The following PRKN variants were observed in gnomAD, a reference collection of about 807,000 sequenced individuals.
PRKN encodes the protein parkin RBR E3 ubiquitin protein ligase.
Under a neutral mutation model 59.5 loss-of-function variants are expected in PRKN, and 56 were observed. That is an observed-to-expected ratio of 0.94 (90% CI 0.76 to 1.18). The LOEUF (loss-of-function observed/expected upper bound fraction) is 1.18, where lower values mean the gene tolerates loss of function less well. Ranked by LOEUF, PRKN falls within the 50% of genes most tolerant of loss-of-function variation. The pLI is 0.00. For synonymous variants in PRKN, 250 were observed against 222.1 expected (o/e 1.13, Z -1.12); for missense variants, 657 against 596.4 (o/e 1.10, Z -1.06).
chr6:161,845,018 G>A (rs1450740920), intron 6 of PRKN, among the ~76,000 whole-genome samples: 6 of 152,220 alleles, frequency 3.9e-5, no homozygotes, highest in Non-Finnish European at 8.8e-5. Flanking sequence ...TTATGTAAAT[G>A]AGCGGGACAG....
intron 5 of PRKN, among the ~76,000 whole-genome samples, chr6:162,023,431 A>G (rs1052623107): frequency 6.6e-6 from 1 of 152,072 alleles, no homozygotes; most frequent in Non-Finnish European, 1.5e-5. Context: ...AGCAAGAAGG[A>G]AGACGGTTTT....
intron 5 of PRKN, among the ~76,000 whole-genome samples, chr6:161,975,104 T>C (rs1583427842): frequency 7.1e-6 from 1 of 141,650 alleles, no homozygotes; most frequent in East Asian, 1.9e-4. Context: ...TTTTTTTTTT[T>C]TTTGAGACGG....
At chr6:161,398,828 T>A (rs964446768) in intron 9 of PRKN, among the ~76,000 whole-genome samples, 34 of 152,020 alleles carry the variant, frequency 2.2e-4, no homozygotes, top group African/African-American at 8.2e-4. Context: ...GAGGTGCAGG[T>A]TGTAGTGAGG....
chr6:161,399,697 C>G lies in PRKN; in HGVS notation c.1084-12820G>C, dbSNP rs1057234176. Among the ~76,000 whole-genome samples the G allele has an allele frequency of 6.6e-6, 1 of 152,074 alleles. No homozygotes were observed. Among genetic ancestry groups the G allele is most frequent in the Non-Finnish European group, 1.5e-5 (1 of 68,032 alleles). On this transcript the variant is annotated intron_variant, in intron 9 of 11. Transcript: ENST00000366898. This position sits in a 1 kb window ranked among gnomAD's most constrained non-coding sequence, Gnocchi z 4.4. ...GGAAATGATAGCCCCCAGAAAGTAC[C>G]AATCCCAGTGCTAGGGATGATGCCA...
chr6:162,619,328 A>G (rs182927006), intron 1 of PRKN, among the ~76,000 whole-genome samples: 3 of 123,560 alleles, frequency 2.4e-5, no homozygotes, highest in East Asian at 4.4e-4. Flanking sequence ...TTTTTTTTTT[A>G]GTAGAGATGG....
chr6:161,781,022 A>T (rs765393354), intron 7 of PRKN, among the ~76,000 whole-genome samples: 1 of 152,234 alleles, frequency 6.6e-6, no homozygotes, highest in Non-Finnish European at 1.5e-5. Flanking sequence ...ACGGAGATAC[A>T]TACTAAAACA....
intron 5 of PRKN, among the ~76,000 whole-genome samples, chr6:162,017,301 A>C (rs1465544618): frequency 6.6e-6 from 1 of 152,134 alleles, no homozygotes; most frequent in Non-Finnish European, 1.5e-5. Context: ...AATGTTTGCT[A>C]ATCTAGGCCT....
chr6:161,958,113 C>T (rs146020893), intron 6 of PRKN, among the ~76,000 whole-genome samples: 663 of 152,222 alleles, frequency 4.4e-3, no homozygotes, highest in African/African-American at 0.013. Flanking sequence ...TTGCATTAAG[C>T]TTAGGATGCT....
intron 6 of PRKN, among the ~76,000 whole-genome samples, chr6:161,851,591 C>T (rs551062471): frequency 1.3e-5 from 2 of 151,752 alleles, no homozygotes; most frequent in East Asian, 2.0e-4. Flanking sequence ...AAGTGATTCT[C>T]GTACGTGCCT....
chr6:161,871,952 TC>T (rs1324248109), intron 6 of PRKN, among the ~76,000 whole-genome samples: 5 of 152,150 alleles, frequency 3.3e-5, no homozygotes, highest in Non-Finnish European at 7.3e-5. Flanking sequence ...TTAATAATCC[TC>T]TCATTTAATT....
intron 5 of PRKN, among the ~76,000 whole-genome samples, chr6:162,010,592 A>T (rs190338217): frequency 0.1 from 294 of 2,808 alleles, 54 homozygotes; most frequent in African/African-American, 0.19. Flanking sequence ...TATTATATAT[A>T]ATATAATATA....
At chr6:161,568,154 T>C (rs1332929298) in intron 8 of PRKN, among the ~76,000 whole-genome samples, 1 of 152,240 alleles carries the variant, frequency 6.6e-6, no homozygotes, top group Non-Finnish European at 1.5e-5. Context: ...TATTCTCATA[T>C]TGGAAATGGG....
At chr6:161,832,084 G>A (rs1042904007) in intron 6 of PRKN, among the ~76,000 whole-genome samples, 3 of 152,142 alleles carry the variant, frequency 2.0e-5, no homozygotes, top group Non-Finnish European at 2.9e-5. Flanking sequence ...AGATTCACAT[G>A]TTCTTCCTTT....
Position 161,395,048 on chromosome 6 carries a change from G to A in PRKN, c.1084-8171C>T, listed in dbSNP as rs1013785272. ...TTCTTTGAATGCAAAATATGTGCAGGTAGCACAGATTCAAAAGGTACATTG... is the reference window on the plus strand; with the variant it reads ...TTCTTTGAATGCAAAATATGTGCAGATAGCACAGATTCAAAAGGTACATTG... On this transcript the variant is annotated intron_variant, in intron 9 of 11. Transcript: ENST00000366898. The surrounding 1 kb of genome is among the most constrained non-coding windows in gnomAD (Gnocchi z 5.0). 6.6e-6 allele frequency among the ~76,000 whole-genome samples: 1 copy of A among 152,006 alleles called. No individual in the cohort carries two copies. Among genetic ancestry groups the A allele is most frequent in the Non-Finnish European group, 1.5e-5 (1 of 68,032 alleles).
At chr6:162,351,596 A>C (rs757022313) in intron 2 of PRKN, among the ~76,000 whole-genome samples, 6 of 152,220 alleles carry the variant, frequency 3.9e-5, no homozygotes, top group Non-Finnish European at 7.3e-5. Flanking sequence ...GCACATGACT[A>C]CACAAAGAAC....
intron 7 of PRKN, among the ~76,000 whole-genome samples, chr6:161,697,668 A>G (rs978340755): frequency 2.0e-5 from 3 of 152,156 alleles, no homozygotes; most frequent in Non-Finnish European, 2.9e-5. Context: ...CTAATCTTGT[A>G]AGCCATTGGT....
intron 4 of PRKN, among the ~76,000 whole-genome samples, chr6:162,065,468 C>A (rs1361506507): frequency 6.6e-6 from 1 of 152,090 alleles, no homozygotes; most frequent in Non-Finnish European, 1.5e-5. Flanking sequence ...GAGGATGGGT[C>A]TTCTTCACCC....
intron 5 of PRKN, among the ~76,000 whole-genome samples, chr6:162,027,063 C>T (rs899520925): frequency 6.6e-6 from 1 of 152,108 alleles, no homozygotes; most frequent in Non-Finnish European, 1.5e-5. Flanking sequence ...TGGTATGCTG[C>T]GGTCTAGAGC....
intron 2 of PRKN, among the ~76,000 whole-genome samples, chr6:162,368,214 G>C (rs895362892): frequency 9.9e-5 from 15 of 152,114 alleles, no homozygotes; most frequent in Non-Finnish European, 1.5e-4. Context: ...ACACCCAAGA[G>C]TGCATGGAGC....
Sources: allele counts gnomAD v4.1 joint callset (sites outside exome capture counted in the v4.1 genomes callset), GRCh38; gene constraint gnomAD v4.1.1; non-coding constraint Gnocchi (gnomAD v3.1); transcripts MANE v1.5; gene names NCBI Gene and HGNC (gene_info 2026-07-23, HGNC 2026-07-21).